Variants in KHDRBS2 observed in about 807,000 individuals in gnomAD.
KHDRBS2 encodes KH domain-containing, RNA-binding, signal transduction-associated protein 2.
In KHDRBS2, 26 loss-of-function variants were observed where a neutral mutation model predicts 44.3. The observed-to-expected ratio is 0.59, with a 90% CI of 0.43 to 0.81. KHDRBS2 has a LOEUF of 0.81. Among genes scored for constraint, KHDRBS2 ranks in the 40% least tolerant of loss-of-function variants. KHDRBS2 has a pLI of 0.00. For missense variants in KHDRBS2, 476 were observed against 433.1 expected, an observed-to-expected ratio of 1.10 and a Z score of -0.88; for synonymous variants, 194 against 151.1, an observed-to-expected ratio of 1.28 and a Z score of -2.08.
intron 4 of KHDRBS2, among the ~76,000 whole-genome samples, chr6:61,970,271 C>T (rs888651750): frequency 2.0e-5 from 3 of 151,630 alleles, no homozygotes; most frequent in Non-Finnish European, 2.9e-5. Flanking sequence ...AGAAAAGTTT[C>T]TTGTTTGCAT....
intron 3 of KHDRBS2, among the ~76,000 whole-genome samples, chr6:62,047,590 A>T (rs1202548980): frequency 1.3e-5 from 2 of 151,946 alleles, no homozygotes; most frequent in Non-Finnish European, 2.9e-5. Flanking sequence ...ACATATAGAA[A>T]CATTCTACAG....
At chr6:61,687,047 C>T (rs1766892860) in intron 8 of KHDRBS2, among the ~76,000 whole-genome samples, 1 of 151,682 alleles carries the variant, frequency 6.6e-6, no homozygotes, top group African/African-American at 2.4e-5. Flanking sequence ...AAATTTGCAA[C>T]TCAATGGCTC....
At chr6:61,608,468 T>G in the KHDRBS2 span, among the ~76,000 whole-genome samples, 2 of 152,142 alleles carry the variant, frequency 1.3e-5, no homozygotes, top group South Asian at 2.1e-4. Flanking sequence ...AATTAAGTTC[T>G]GGGATAAATG....
chr6:61,770,922 AG>A (rs1484812661), intron 6 of KHDRBS2, among the ~76,000 whole-genome samples: 1 of 152,234 alleles, frequency 6.6e-6, no homozygotes, highest in African/African-American at 2.4e-5. Flanking sequence ...AAAAATGTTA[AG>A]GGCAGCCAGA....
intron 1 of KHDRBS2, among the ~76,000 whole-genome samples, chr6:62,267,761 T>A (rs1432611947): frequency 3.3e-5 from 5 of 152,008 alleles, no homozygotes; most frequent in African/African-American, 1.2e-4. Flanking sequence ...ACTGCAAAAA[T>A]TTGATAAAAG....
intron 2 of KHDRBS2, among the ~76,000 whole-genome samples, chr6:62,063,967 G>T (rs1169230718): frequency 6.7e-6 from 1 of 148,642 alleles, no homozygotes; most frequent in Admixed American, 6.9e-5. Flanking sequence ...AAAATCACAA[G>T]CGTTCTTATA....
chr6:62,049,078 A>G (rs1399787264), intron 2 of KHDRBS2, among the ~76,000 whole-genome samples: 1 of 151,832 alleles, frequency 6.6e-6, no homozygotes, highest in Non-Finnish European at 1.5e-5. Flanking sequence ...GTCCAGAATA[A>G]AAAGAAAGAT....
chr6:62,248,216 A>G (rs1453654073), intron 1 of KHDRBS2, among the ~76,000 whole-genome samples: 1 of 151,976 alleles, frequency 6.6e-6, no homozygotes, highest in African/African-American at 2.4e-5. Context: ...AAAAGGAAAG[A>G]AAGAGACAGT....
the KHDRBS2 span, among the ~76,000 whole-genome samples, chr6:61,616,640 A>G: frequency 6.6e-6 from 1 of 152,088 alleles, no homozygotes; most frequent in Admixed American, 6.6e-5. Flanking sequence ...TGATAAACTT[A>G]CATATATTGC....
chr6:61,809,896 T>C (rs1787826797), intron 6 of KHDRBS2, among the ~76,000 whole-genome samples: 1 of 152,178 alleles, frequency 6.6e-6, no homozygotes, highest in African/African-American at 2.4e-5. Context: ...AGATTCATAA[T>C]GTAAAGACAA....
chr6:61,723,571 AAAC>A (rs1321277257), intron 7 of KHDRBS2, among the ~76,000 whole-genome samples: 21 of 149,528 alleles, frequency 1.4e-4, no homozygotes, highest in Non-Finnish European at 3.0e-4. Context: ...ACAAACAAAC[AAAC>A]AAAAAAACAA....
chr6:61,662,769 T>G, the KHDRBS2 span, among the ~76,000 whole-genome samples: 2 of 151,788 alleles, frequency 1.3e-5, no homozygotes, highest in African/African-American at 4.8e-5. Context: ...GGAGAGGATG[T>G]GGAGAAATAG....
the KHDRBS2 span, among the ~76,000 whole-genome samples, chr6:61,633,984 TGAACATTATGTTGATAAACTGG>T: frequency 6.6e-6 from 1 of 152,058 alleles, no homozygotes; most frequent in African/African-American, 2.4e-5. Context: ...TTCTAAGTGG[TGAACATTATGTTGATAAACTGG>T]GACAATGGCA....
At chr6:61,600,967 G>C in the KHDRBS2 span, among the ~76,000 whole-genome samples, 2 of 152,246 alleles carry the variant, frequency 1.3e-5, no homozygotes, top group Admixed American at 6.5e-5. Flanking sequence ...TCATGGACTC[G>C]GGAAGACAGT....
downstream of KHDRBS2, among the ~76,000 whole-genome samples, chr6:61,677,096 C>A (rs1005285681): frequency 3.3e-5 from 5 of 151,758 alleles, no homozygotes; most frequent in African/African-American, 1.2e-4. Flanking sequence ...CTGCGATAAC[C>A]CTGCCCTGAG....
chr6:62,277,118 G>A (rs1841061724), intron 1 of KHDRBS2, among the ~76,000 whole-genome samples: 3 of 151,984 alleles, frequency 2.0e-5, no homozygotes, highest in Admixed American at 2.0e-4. Flanking sequence ...CAGAAGTTAT[G>A]ACTTTCTCTG....
chr6:61,904,768 G>C (rs1377705095), intron 4 of KHDRBS2, among the ~76,000 whole-genome samples: 1 of 152,192 alleles, frequency 6.6e-6, no homozygotes, highest in Non-Finnish European at 1.5e-5. Context: ...GTCAGACATT[G>C]TAGGGTGAGG....
In KHDRBS2 at chr6:62,204,134, G is replaced by A. The variant is rs917727294; in HGVS notation, c.92-26822C>T. ...TTCCTTGTACAGCCTGTGGAACTGTGAGCCAAATAAATCTCTTTTGTTTAC... is the reference window on the plus strand; with the variant it reads ...TTCCTTGTACAGCCTGTGGAACTGTAAGCCAAATAAATCTCTTTTGTTTAC... On this transcript the variant is annotated intron_variant, in intron 1 of 8. Coordinates refer to ENST00000281156, the MANE Select transcript of KHDRBS2 (RefSeq NM_152688.4). 4.6e-5 allele frequency among the ~76,000 whole-genome samples: 7 copies of A among 152,110 alleles called. 1 individual carries two copies. The highest frequency in any genetic ancestry group is 8.8e-5 in the Non-Finnish European group (6 of 68,028).
chr6:61,874,533 G>T (rs930505997), intron 6 of KHDRBS2, among the ~76,000 whole-genome samples: 2 of 152,020 alleles, frequency 1.3e-5, no homozygotes, highest in African/African-American at 4.8e-5. Flanking sequence ...TAACTAGTCG[G>T]TATTTGCTTG....
Sources: gnomAD v4.1 joint callset for allele counts (sites outside exome capture counted in the v4.1 genomes callset) on GRCh38, gnomAD v4.1.1 for gene constraint, MANE v1.5 for transcripts, NCBI Gene and HGNC (gene_info 2026-07-23, HGNC 2026-07-21) for gene names.